BABAM2: variants seen among roughly 807,000 people sequenced by gnomAD.
BABAM2 encodes the protein BRISC and BRCA1-A complex member 2.
In BABAM2, 31 loss-of-function variants were observed where a neutral mutation model predicts 54.7. The ratio of observed to expected loss-of-function variants is 0.57; its 90% CI spans 0.43 to 0.77. The LOEUF is 0.77. BABAM2 is among the 30% of genes least tolerant of loss of function. BABAM2 has a pLI of 0.00. For missense variants in BABAM2, 364 were observed against 455.8 expected (o/e 0.80, Z 1.83); for synonymous variants, 167 against 162.9 (o/e 1.03, Z -0.19).
intron 7 of BABAM2, among the ~76,000 whole-genome samples, chr2:28,227,743 T>C (rs1225919322): frequency 2.6e-5 from 4 of 152,156 alleles, no homozygotes; most frequent in African/African-American, 4.8e-5. Context: ...CCGTGCATCA[T>C]TGCATGAGGT....
At chr2:28,225,553 G>A (rs79785617) in intron 7 of BABAM2, among the ~76,000 whole-genome samples, 6,280 of 152,216 alleles carry the variant, frequency 0.041, 190 homozygotes, top group Non-Finnish European at 0.059. Context: ...TATGATTCAT[G>A]TTAATATTTC....
intron 6 of BABAM2, among the ~76,000 whole-genome samples, chr2:28,075,999 C>T (rs953169111): frequency 2.8e-4 from 42 of 152,020 alleles, no homozygotes; most frequent in African/African-American, 8.2e-4. Context: ...TGTGGCGGCT[C>T]ATGCCTGTAA....
At chr2:28,145,568 G>C (rs1201391000) in intron 7 of BABAM2, among the ~76,000 whole-genome samples, 3 of 152,078 alleles carry the variant, frequency 2.0e-5, no homozygotes, top group African/African-American at 7.2e-5. Flanking sequence ...TTATTTGTTA[G>C]TAGTTTTATT....
At chr2:28,263,704 A>T (rs1391900607) in intron 10 of BABAM2, among the ~76,000 whole-genome samples, 2 of 152,182 alleles carry the variant, frequency 1.3e-5, no homozygotes, top group Non-Finnish European at 2.9e-5. Context: ...GACCCTACAC[A>T]TGTCTATGGT....
chr2:28,009,452 G>T (rs1268484827), intron 4 of BABAM2, among the ~76,000 whole-genome samples: 3 of 152,092 alleles, frequency 2.0e-5, no homozygotes, highest in African/African-American at 7.2e-5. Context: ...TTAATAAAAA[G>T]AAACCTAGTC....
intron 4 of BABAM2, among the ~76,000 whole-genome samples, chr2:27,998,036 C>G (rs969522491): frequency 2.6e-5 from 4 of 152,040 alleles, no homozygotes; most frequent in Non-Finnish European, 5.9e-5. Flanking sequence ...ACCTGTAATG[C>G]CAGCTACTCA....
At chr2:27,935,414 G>T (rs953080509) in intron 3 of BABAM2, among the ~76,000 whole-genome samples, 1 of 152,210 alleles carries the variant, frequency 6.6e-6, no homozygotes. Flanking sequence ...TGGATCCTGA[G>T]AATGTGACTG....
chr2:27,969,445 C>T (rs1290603897), intron 3 of BABAM2, among the ~76,000 whole-genome samples: 1 of 152,064 alleles, frequency 6.6e-6, no homozygotes, highest in African/African-American at 2.4e-5. Flanking sequence ...ACTCACAACC[C>T]CCCAGCTATG....
chr2:28,054,331 T>C (rs143890337), intron 6 of BABAM2, among the ~76,000 whole-genome samples: 22 of 152,286 alleles, frequency 1.4e-4, no homozygotes, highest in African/African-American at 4.8e-4. Flanking sequence ...CCTTCCTTCT[T>C]TTATTCCATC....
rs571139520 is a variant in BABAM2, at chr2:28,167,608, C to T, written c.680+38228C>T. Among the ~76,000 whole-genome samples the T allele has an allele frequency of 7.3e-5, 11 of 151,412 alleles. No individual in the cohort carries two copies. The South Asian group carries it at 2.1e-3, about 29-fold the overall frequency. Reference sequence around the variant, plus strand: ...ACTAGGGAGTCTGAGGCAGGAGAATCGCTTGAACCCGGGAGGCAGAAGTTG... The same window carrying T: ...ACTAGGGAGTCTGAGGCAGGAGAATTGCTTGAACCCGGGAGGCAGAAGTTG... On this transcript the variant is annotated intron_variant, in intron 7 of 11. Transcript: ENST00000379624.
At chr2:28,056,887 GTT>G (rs1292445769) in intron 6 of BABAM2, among the ~76,000 whole-genome samples, 3 of 152,126 alleles carry the variant, frequency 2.0e-5, no homozygotes, top group African/African-American at 7.2e-5. Flanking sequence ...AATTACTTTG[GTT>G]TTTGTCAGTG....
chr2:28,242,788 G>A (rs775622624), intron 9 of BABAM2, among the ~76,000 whole-genome samples: 18 of 151,958 alleles, frequency 1.2e-4, no homozygotes, highest in South Asian at 2.1e-4. Flanking sequence ...TCATTTCTCC[G>A]AAATAGAAGT....
At chr2:28,081,652 C>G (rs1665183232) in intron 6 of BABAM2, among the ~76,000 whole-genome samples, 1 of 152,156 alleles carries the variant, frequency 6.6e-6, no homozygotes, top group Admixed American at 6.5e-5. Context: ...TAATGCTACG[C>G]TACTCCCACT....
chr2:28,304,631 C>T lies in BABAM2; in HGVS notation c.1088+6140C>T, dbSNP rs1688369343. Among the ~76,000 whole-genome samples, 3 of 151,984 alleles carry T rather than the reference C, an allele frequency of 2.0e-5. No homozygotes were observed. The South Asian group carries it at 6.2e-4, about 32-fold the overall frequency. Reference sequence around the variant, plus strand: ...TCACTCTGTCACCCAGGCTGGAATGCAGTGGCATTATCTTGGCTCACTGCA... The same window carrying T: ...TCACTCTGTCACCCAGGCTGGAATGTAGTGGCATTATCTTGGCTCACTGCA... On this transcript the variant is annotated intron_variant, in intron 11 of 11. Transcript: ENST00000379624. This position sits in a 1 kb window ranked among gnomAD's most constrained non-coding sequence, Gnocchi z 4.0.
chr2:28,232,792 TGA>T (rs2148045935), intron 7 of BABAM2, among the ~76,000 whole-genome samples: 1 of 152,282 alleles, frequency 6.6e-6, no homozygotes, highest in East Asian at 1.9e-4. Flanking sequence ...CATGACTGCA[TGA>T]GAGATGTGAT....
At chr2:27,900,853 C>T (rs528298371) in intron 2 of BABAM2, among the ~76,000 whole-genome samples, 1 of 152,092 alleles carries the variant, frequency 6.6e-6, no homozygotes, top group African/African-American at 2.4e-5. Context: ...GTCATCCTGG[C>T]TAACACGGTG....
chr2:28,204,456 T>C (rs1029496429), intron 7 of BABAM2, among the ~76,000 whole-genome samples: 3 of 152,066 alleles, frequency 2.0e-5, no homozygotes, highest in African/African-American at 7.2e-5. Flanking sequence ...CACAGGGGAC[T>C]CAGCAGTTAC....
intron 7 of BABAM2, among the ~76,000 whole-genome samples, chr2:28,190,083 T>C (rs1489912225): frequency 6.6e-6 from 1 of 152,188 alleles, no homozygotes; most frequent in East Asian, 1.9e-4. Flanking sequence ...AACAACTGGA[T>C]AGCCATAACC....
intron 10 of BABAM2, among the ~76,000 whole-genome samples, chr2:28,295,397 T>C (rs1030492117): frequency 1.3e-5 from 2 of 152,190 alleles, no homozygotes; most frequent in Non-Finnish European, 2.9e-5. Flanking sequence ...TCATGGTACT[T>C]TTCTGCTGGT....
Sources: gnomAD v4.1 joint callset for allele counts (sites outside exome capture counted in the v4.1 genomes callset) on GRCh38, gnomAD v4.1.1 for gene constraint, Gnocchi (gnomAD v3.1) non-coding constraint, MANE v1.5 for transcripts, NCBI Gene and HGNC (gene_info 2026-07-23, HGNC 2026-07-21) for gene names.